TTC28: variants seen among roughly 807,000 people sequenced by gnomAD.
The protein encoded by TTC28 is tetratricopeptide repeat protein 28.
A neutral mutation model predicts 198.0 loss-of-function variants in TTC28; 61 were observed. The observed-to-expected ratio is 0.31, with a 90% CI of 0.25 to 0.38. TTC28 has a LOEUF of 0.38. Ranked by LOEUF, TTC28 falls within the 10% of genes least tolerant of loss-of-function variation. The pLI is 1.00. For missense variants in TTC28, 2,678 were observed against 3,164.0 expected (o/e 0.85, Z 3.69); for synonymous variants, 1,171 against 1,297.8 (o/e 0.90, Z 2.10).
chr22:28,240,214 G>A (rs1013076601), intron 5 of TTC28, among the ~76,000 whole-genome samples: 1 of 152,144 alleles, frequency 6.6e-6, no homozygotes, highest in Non-Finnish European at 1.5e-5. Context: ...GTTTTACAGT[G>A]GTATGAATTA....
chr22:28,448,143 T>G (rs537582652), intron 2 of TTC28, among the ~76,000 whole-genome samples: 13 of 152,330 alleles, frequency 8.5e-5, no homozygotes, highest in African/African-American at 3.1e-4. Context: ...CAAATAGTAA[T>G]TACACATTTT....
rs570448439 is a variant in TTC28, at chr22:28,507,888, T to C, written c.381+121664A>G. ...GAATTCGTCACCACCAGGCCTGCCT[T>C]GCAAGAGCTCCTGAAGGAAGCACTA... On this transcript the variant is annotated intron_variant, in intron 2 of 22. Coordinates refer to ENST00000397906, the MANE Select transcript of TTC28 (RefSeq NM_001145418.2). 2.0e-5 allele frequency among the ~76,000 whole-genome samples: 3 copies of C among 152,252 alleles called. No individual in the cohort carries two copies. The South Asian group carries it at 6.2e-4, about 32-fold the overall frequency.
chr22:28,536,215 A>AC (rs2049273836), intron 2 of TTC28, among the ~76,000 whole-genome samples: 1 of 147,250 alleles, frequency 6.8e-6, no homozygotes. Flanking sequence ...AAAAAAAAAA[A>AC]AAAAACATAA....
chr22:28,302,021 G>C (rs1343170722), intron 3 of TTC28, among the ~76,000 whole-genome samples: 1 of 149,750 alleles, frequency 6.7e-6, no homozygotes, highest in Non-Finnish European at 1.5e-5. Context: ...TTAGGTGGCA[G>C]AGTGAGATCC....
rs1469888723 is a variant in TTC28 at position 28,491,496 on chromosome 22, A to G, written c.381+138056T>C. Among the ~76,000 whole-genome samples, 4 of 152,228 alleles carry G rather than the reference A, an allele frequency of 2.6e-5. No homozygotes were observed. In the East Asian group the frequency reaches 7.7e-4, roughly 29 times the overall value. On this transcript the variant is annotated intron_variant, in intron 2 of 22. Coordinates refer to ENST00000397906, the MANE Select transcript of TTC28 (RefSeq NM_001145418.2). Reference sequence around the variant, plus strand: ...AAAGAAGACATCTATGCAGCCAAAAAACACATGAAAAAATGCTCATCATCA... The same window carrying G: ...AAAGAAGACATCTATGCAGCCAAAAGACACATGAAAAAATGCTCATCATCA...
chr22:28,672,418 G>A (rs1262016827), intron 1 of TTC28, among the ~76,000 whole-genome samples: 3 of 151,802 alleles, frequency 2.0e-5, no homozygotes, highest in African/African-American at 4.8e-5. Flanking sequence ...CACCCACCTC[G>A]GCCTCCCAAA....
In TTC28 at chr22:28,166,999, G is replaced by A. The variant is rs559247281; in HGVS notation, c.934-3400C>T. Among the ~76,000 whole-genome samples the A allele has an allele frequency of 3.5e-4, 54 of 152,240 alleles. 1 individual carries two copies. The highest frequency in any genetic ancestry group is 5.9e-4 in the Admixed American group (9 of 15,278). ...AAACGACAAAGGGGATATGACCACC[G>A]ATTCCACAGAAATACAAACTACCAT... On this transcript the variant is annotated intron_variant, in intron 5 of 22. Coordinates refer to ENST00000397906, the MANE Select transcript of TTC28 (RefSeq NM_001145418.2).
intron 14 of TTC28, among the ~76,000 whole-genome samples, chr22:28,004,159 G>A (rs944816107): frequency 6.6e-6 from 1 of 152,208 alleles, no homozygotes; most frequent in Non-Finnish European, 1.5e-5. Context: ...TGAGGGTTGG[G>A]GAAGGCCTGG....
chr22:28,560,917 C>T (rs1035153711), intron 2 of TTC28, among the ~76,000 whole-genome samples: 1 of 151,590 alleles, frequency 6.6e-6, no homozygotes, highest in African/African-American at 2.4e-5. Flanking sequence ...CCACCATGCC[C>T]AGCTAATTTT....
chr22:28,532,888 G>A (rs1268547256), intron 2 of TTC28, among the ~76,000 whole-genome samples: 2 of 152,112 alleles, frequency 1.3e-5, no homozygotes, highest in Non-Finnish European at 1.5e-5. Flanking sequence ...CAATAAACTA[G>A]GTATTGATGG....
chr22:28,089,630 G>A (rs1264607078), intron 12 of TTC28, among the ~76,000 whole-genome samples: 7 of 148,880 alleles, frequency 4.7e-5, no homozygotes, highest in Middle Eastern at 3.5e-3. Flanking sequence ...TAACCTGCAC[G>A]TTGTGCACAT....
chr22:28,549,802 G>A (rs764397648), intron 2 of TTC28, among the ~76,000 whole-genome samples: 3 of 152,174 alleles, frequency 2.0e-5, no homozygotes, highest in Non-Finnish European at 4.4e-5. Flanking sequence ...AACTGGAAGA[G>A]ATAAGTCACT....
chr22:28,039,890 A>C (rs1023935195), intron 12 of TTC28, among the ~76,000 whole-genome samples: 2 of 152,204 alleles, frequency 1.3e-5, no homozygotes, highest in African/African-American at 4.8e-5. Context: ...ATGATAAAAA[A>C]TGATAAAAGG....
At chr22:28,216,605 G>A (rs751048462) in intron 5 of TTC28, among the ~76,000 whole-genome samples, 11 of 152,012 alleles carry the variant, frequency 7.2e-5, no homozygotes, top group Non-Finnish European at 1.0e-4. Context: ...CAAAGCAAGA[G>A]GTAGTCAATA....
chr22:28,208,993 C>T (rs1373389932), intron 5 of TTC28, among the ~76,000 whole-genome samples: 1 of 152,214 alleles, frequency 6.6e-6, no homozygotes, highest in African/African-American at 2.4e-5. Flanking sequence ...TGACTAAAAA[C>T]AGGTCAGCTG....
intron 5 of TTC28, among the ~76,000 whole-genome samples, chr22:28,226,585 C>G (rs1038338502): frequency 6.6e-6 from 1 of 152,132 alleles, no homozygotes; most frequent in South Asian, 2.1e-4. Flanking sequence ...CGCTACCACA[C>G]TTGGCTAATT....
At chr22:28,101,053 T>TA in intron 9 of TTC28, 118 bp downstream of exon 9, 1 of 696,826 alleles carries the variant, frequency 1.4e-6, no homozygotes, top group South Asian at 2.3e-5. Flanking sequence ...TCATACACAT[T>TA]AGCCCAAGGG....
chr22:28,639,502 A>G (rs1179416833), intron 1 of TTC28, among the ~76,000 whole-genome samples: 1 of 152,178 alleles, frequency 6.6e-6, no homozygotes, highest in Non-Finnish European at 1.5e-5. Context: ...TCCCCACCCA[A>G]GTCTCATCTT....
At chr22:28,054,356 T>C (rs1186357627) in intron 12 of TTC28, among the ~76,000 whole-genome samples, 2 of 152,192 alleles carry the variant, frequency 1.3e-5, no homozygotes, top group Admixed American at 1.3e-4. Context: ...GTTTGGGTCA[T>C]GTCAGCTGGC....
Sources: gnomAD v4.1 joint callset for allele counts (sites outside exome capture counted in the v4.1 genomes callset) on GRCh38, gnomAD v4.1.1 for gene constraint, MANE v1.5 for transcripts, NCBI Gene and HGNC (gene_info 2026-07-23, HGNC 2026-07-21) for gene names.